The following MYO15B variants were observed in gnomAD, a reference collection of about 807,000 sequenced individuals.
MYO15B encodes the protein myosin XVB pseudogene.
Under a neutral mutation model 119.3 loss-of-function variants are expected in MYO15B, and 207 were observed. That is an observed-to-expected ratio of 1.73 (90% CI 1.55 to 1.95). The LOEUF is 1.95. Ranked by LOEUF, MYO15B falls within the 30% of genes most tolerant of loss-of-function variation. MYO15B has a pLI of 0.00. For synonymous variants in MYO15B, 966 were observed against 498.9 expected (o/e 1.94, Z -12.48); for missense variants, 2,264 against 1,203.1 (o/e 1.88, Z -13.04).
At chr17:75,601,915 T>C (rs555567273) in intron 15 of MYO15B, among the ~76,000 whole-genome samples, 6 of 152,324 alleles carry the variant, frequency 3.9e-5, no homozygotes, top group Admixed American at 1.3e-4. Flanking sequence ...GAGGGTGAGA[T>C]GTAGTAACGT....
intron 1 of MYO15B, 141 bp from the exon 2 acceptor site, chr17:75,590,485 C>A: frequency 2.6e-6 from 1 of 388,484 alleles, no homozygotes; most frequent in Non-Finnish European, 4.5e-6. Context: ...CTGCGCATTA[C>A]TTGACAGCTC....
chr17:75,626,062 C>A (rs2059036753), intron 62 of MYO15B, 26 bp from the exon 63 acceptor site: 1 of 700,594 alleles, frequency 1.4e-6, no homozygotes, highest in East Asian at 2.7e-5. Context: ...GGAGAGGAGA[C>A]CAGCCCTGCT....
intron 15 of MYO15B, chr17:75,602,297 GGA>G: frequency 1.5e-6 from 1 of 673,702 alleles, no homozygotes; most frequent in South Asian, 1.6e-5. Flanking sequence ...GCCCCAGTGG[GGA>G]GAGTGTGGTC....
At position 75,618,096 on chromosome 17, in the gene MYO15B, C is replaced by T. The variant is rs181974969; in HGVS notation, c.6928-30C>T. 1.4e-4 allele frequency: 95 copies of T among 702,912 alleles called. No homozygotes were observed. The East Asian group carries it at 1.5e-3, about 11-fold the overall frequency. The allele number at this position is 702,912 out of a possible 1,614,324, so 43.5% of individuals were successfully genotyped here. A position where few individuals can be genotyped will look rare whatever the true frequency, so the allele number is the denominator to read the frequency against. ...TGCTGGGAAGAGGCACCAGACCCAC[C>T]GATCTTTGCCCTTCTGTGCCCTCCT... On this transcript the variant is annotated intron_variant, in intron 42 of 63. Coordinates refer to ENST00000645453, the Ensembl canonical transcript of MYO15B.
chr17:75,619,943 G>A (rs1317905250), exon 47 of MYO15B: 8 of 702,696 alleles, frequency 1.1e-5, no homozygotes, highest in Admixed American at 6.0e-5. Context: ...ACTGAAGAGC[G>A]AGCAGCTGGT....
At chr17:75,588,794 G>A (rs2056223450) in exon 1 of MYO15B, 1 of 398,614 alleles carries the variant, frequency 2.5e-6, no homozygotes, top group Admixed American at 4.4e-5. Context: ...AGTCCGCTGG[G>A]GACCGGACCT....
chr17:75,603,745 TGGAGCTGCCAGGAACC>T (rs1456790936), intron 19 of MYO15B, among the ~76,000 whole-genome samples: 6 of 152,148 alleles, frequency 3.9e-5, no homozygotes, highest in African/African-American at 1.4e-4. Flanking sequence ...GGGTGGCACA[TGGAGCTGCCAGGAACC>T]CCAGAGGCAG....
exon 45 of MYO15B, chr17:75,619,474 T>C: frequency 1.4e-6 from 1 of 702,232 alleles, no homozygotes. Context: ...CTTTCCTGTC[T>C]CGGTCAGTGG....
In MYO15B at chr17:75,624,653, C is replaced by T. The variant is rs746788232; in HGVS notation, c.8542+14C>T. On this transcript the variant is annotated intron_variant, in intron 58 of 63. Transcript: ENST00000645453. Reference sequence around the variant, plus strand: ...TCAAAGAGAAGAGTAAGCTTGGGGACGGAGCCTCACGGTGGGGCCACTCCC... The same window carrying T: ...TCAAAGAGAAGAGTAAGCTTGGGGATGGAGCCTCACGGTGGGGCCACTCCC... 36 of 702,822 alleles carry T rather than the reference C, an allele frequency of 5.1e-5. No homozygotes were observed. The highest frequency in any genetic ancestry group is 8.9e-5 in the South Asian group (6 of 67,606). 43.5% of individuals were successfully genotyped at this position (702,822 alleles called of 1,614,324 possible).
intron 29 of MYO15B, 55 bp downstream of exon 29, chr17:75,613,832 C>T: frequency 1.5e-6 from 1 of 649,724 alleles, no homozygotes. Context: ...TGTCCTATAC[C>T]CTCCTCCTTC....
chr17:75,603,422 C>G (rs987577486), intron 19 of MYO15B, 110 bp downstream of exon 19: 17 of 628,140 alleles, frequency 2.7e-5, no homozygotes, highest in Non-Finnish European at 4.9e-5. Context: ...AGGACTGGGC[C>G]TAGCACCCAA....
chr17:75,596,508 G>GAGCGCCTACAGCTCTTCTCCAGCC, exon 13 of MYO15B: 1 of 703,050 alleles, frequency 1.4e-6, no homozygotes, highest in Non-Finnish European at 2.6e-6. Flanking sequence ...CCTCGCCAGC[G>GAGCGCCTACAGCTCTTCTCCAGCC]AGCGCCTACA....
At chr17:75,605,545 A>T (rs1182279829) in exon 20 of MYO15B, 1 of 702,366 alleles carries the variant, frequency 1.4e-6, no homozygotes, top group African/African-American at 1.8e-5. Flanking sequence ...GACCTCTCTG[A>T]CCGGGAGAAG....
exon 39 of MYO15B, chr17:75,616,585 T>C: frequency 2.8e-6 from 2 of 702,580 alleles, no homozygotes; most frequent in Non-Finnish European, 5.2e-6. Context: ...GGGCCAAAGC[T>C]CCAAAAGAGG....
intron 32 of MYO15B, 22 bp from the exon 33 acceptor site, chr17:75,614,928 TCTCACTCTGAC>T (rs1272472287): frequency 2.8e-6 from 2 of 702,848 alleles, no homozygotes; most frequent in East Asian, 5.4e-5. Flanking sequence ...TTCTCAGGGC[TCTCACTCTGAC>T]CTGTGACCAT....
At position 75,590,704 on chromosome 17, in the gene MYO15B, G is replaced by A. The variant is rs1215323350; in HGVS notation, c.2250+15G>A. ...GCCGTATCTATGTATGGGGAGCCAC[G>A]GGGACGGACAGTGGGCGGGGATCCC... On this transcript the variant is annotated intron_variant, in intron 2 of 63. Transcript: ENST00000645453. The A allele has an allele frequency of 1.1e-5, 2 of 183,212 alleles. No individual in the cohort carries two copies. The highest frequency in any genetic ancestry group is 3.2e-4 in the South Asian group (2 of 6,248). The allele number at this position is 183,212 out of a possible 1,614,324, so 11.3% of individuals were successfully genotyped here. A position where few individuals can be genotyped will look rare whatever the true frequency, so the allele number is the denominator to read the frequency against.
At chr17:75,617,561 C>G (rs1483165916) in intron 41 of MYO15B, 2 of 578,026 alleles carry the variant, frequency 3.5e-6, no homozygotes, top group Non-Finnish European at 3.1e-6. Context: ...TACCCGACAG[C>G]TCTGTGAGGA....
At position 75,595,102 on chromosome 17, in the gene MYO15B, A is replaced by T. The variant is rs2056767760; in HGVS notation, c.3297+130A>T. The T allele has an allele frequency of 2.2e-5, 14 of 625,352 alleles. No individual in the cohort carries two copies. The South Asian group carries it at 2.6e-4, about 12-fold the overall frequency. The allele number at this position is 625,352 out of a possible 1,614,324, so 38.7% of individuals were successfully genotyped here. ...CTTGTCTGTCTGGCAGGGCGCTTTC[A>T]GGGCTCCTTCTGCATCTGCTGGGCT... On this transcript the variant is annotated intron_variant, in intron 12 of 63. Transcript: ENST00000645453.
intron 53 of MYO15B, among the ~76,000 whole-genome samples, chr17:75,622,665 A>G (rs912298975): frequency 2.0e-5 from 3 of 152,210 alleles, no homozygotes; most frequent in Admixed American, 1.3e-4. Context: ...TAAGTTTAAA[A>G]GCAAAAGGAA....
Sources: gnomAD v4.1 joint callset for allele counts (sites outside exome capture counted in the v4.1 genomes callset) on GRCh38, gnomAD v4.1.1 for gene constraint, MANE v1.5 for transcripts, NCBI Gene and HGNC (gene_info 2026-07-23, HGNC 2026-07-21) for gene names.